MROH9: variants seen among roughly 807,000 people sequenced by gnomAD.
MROH9 encodes the protein maestro heat-like repeat-containing protein family member 9.
A neutral mutation model predicts 98.2 loss-of-function variants in MROH9; 92 were observed. The ratio of observed to expected loss-of-function variants is 0.94; its 90% CI spans 0.79 to 1.11. MROH9 has a LOEUF of 1.11. Ranked by LOEUF, MROH9 falls within the 50% of genes most tolerant of loss-of-function variation. The pLI, the probability that MROH9 is intolerant of heterozygous loss-of-function variation, is 0.00. For missense variants in MROH9, 1,057 were observed against 1,014.8 expected, an observed-to-expected ratio of 1.04 and a Z score of -0.57; for synonymous variants, 397 against 368.9, an observed-to-expected ratio of 1.08 and a Z score of -0.87.
chr1:170,972,829 TACACACACACACAC>T (rs3980699), intron 8 of MROH9, among the ~76,000 whole-genome samples: 2,485 of 128,670 alleles, frequency 0.019, 100 homozygotes, highest in African/African-American at 0.07. Flanking sequence ...AAAAAAAAAA[TACACACACACACAC>T]ACACACACAC....
At chr1:171,042,463 A>C (rs1045384432) in intron 20 of MROH9, among the ~76,000 whole-genome samples, 3 of 152,076 alleles carry the variant, frequency 2.0e-5, no homozygotes, top group African/African-American at 7.2e-5. Context: ...ATGCAGATAT[A>C]TCTTTGATAG....
chr1:171,020,097 C>G (rs938146123), intron 17 of MROH9, among the ~76,000 whole-genome samples: 12 of 152,124 alleles, frequency 7.9e-5, no homozygotes, highest in African/African-American at 2.9e-4. Context: ...AGACGAATAA[C>G]AAGTTCTGAA....
At position 170,989,942 on chromosome 1, in the gene MROH9, A is replaced by G. The variant is rs374949615; in HGVS notation, c.967A>G (p.Thr323Ala). The G allele has an allele frequency of 2.9e-5, 47 of 1,613,360 alleles. No homozygotes were observed. The highest frequency in any genetic ancestry group is 4.0e-5 in the Non-Finnish European group (47 of 1,179,554). Residue 323 changes from threonine (T) to alanine (A), a missense_variant, in exon 11 of 22, where the codon ACA becomes GCA. Transcript: ENST00000367759. ...DVMLQVITLL[T>A]CTSPKKVIFQ... ...TATGTTGCAGGTTATCACTTTGTTG[A>G]CATGCACTTCACCCAAGAAGGTCAT...
rs569361214 is a variant in MROH9, at chr1:171,040,205, G to T, written c.2281+14785G>T. ...TATAATGGTGGTTACCAGGAGCAAGGGCACAAGAAATGGGAAGATGTAAAT... is the reference window on the plus strand; with the variant it reads ...TATAATGGTGGTTACCAGGAGCAAGTGCACAAGAAATGGGAAGATGTAAAT... On this transcript the variant is annotated intron_variant, in intron 20 of 21. Coordinates refer to ENST00000367759, the MANE Select transcript of MROH9 (RefSeq NM_001163629.2). Among the ~76,000 whole-genome samples, 20 of 152,164 alleles carry T rather than the reference G, an allele frequency of 1.3e-4. No homozygotes were observed. In the South Asian group the frequency reaches 4.1e-3, roughly 32 times the overall value.
Position 170,971,277 on chromosome 1 carries a change from A to G in MROH9, c.481-471A>G, listed in dbSNP as rs536114272. On this transcript the variant is annotated intron_variant, in intron 7 of 21. Coordinates refer to ENST00000367759, the MANE Select transcript of MROH9 (RefSeq NM_001163629.2). ...AAAATGAATTCCCTTGAGAGGAGTC[A>G]GAATAACTTCCAGAGGAAAAGTGGC... is the stretch of plus-strand genomic sequence containing the variant. 2.6e-5 allele frequency among the ~76,000 whole-genome samples: 4 copies of G among 152,352 alleles called. No individual in the cohort carries two copies. In the South Asian group the frequency reaches 8.3e-4, roughly 32 times the overall value.
intron 15 of MROH9, among the ~76,000 whole-genome samples, chr1:171,005,148 T>C (rs894881354): frequency 6.6e-6 from 1 of 152,188 alleles, no homozygotes; most frequent in Non-Finnish European, 1.5e-5. Flanking sequence ...TACTGCAACC[T>C]GTGTCCTCCA....
intron 20 of MROH9, among the ~76,000 whole-genome samples, chr1:171,028,481 T>C (rs1210097208): frequency 3.9e-5 from 6 of 152,226 alleles, no homozygotes; most frequent in Non-Finnish European, 4.4e-5. Context: ...GCTTTGTTCT[T>C]TCTGCTTAGG....
At chr1:170,939,674 T>C (rs953958521) in intron 1 of MROH9, among the ~76,000 whole-genome samples, 1 of 152,214 alleles carries the variant, frequency 6.6e-6, no homozygotes, top group African/African-American at 2.4e-5. Flanking sequence ...CATTTGATGA[T>C]GGAGTACTGC....
In MROH9 at chr1:171,046,638, T is replaced by A. The variant is rs115769379; in HGVS notation, c.2282-15494T>A. Among the ~76,000 whole-genome samples, 1,307 of 152,278 alleles carry A rather than the reference T, an allele frequency of 8.6e-3. 21 individuals are homozygous for A. Among genetic ancestry groups the A allele is most frequent in the African/African-American group, 0.03 (1,234 of 41,564 alleles). On this transcript the variant is annotated intron_variant, in intron 20 of 21. Coordinates refer to ENST00000367759, the MANE Select transcript of MROH9 (RefSeq NM_001163629.2). ...TGTACTATGTCTTGAAAAGTTGTAG[T>A]TATTATTATTGATTGGTTCATCATT...
At chr1:171,049,935 G>T (rs1458358066) in intron 20 of MROH9, among the ~76,000 whole-genome samples, 1 of 152,108 alleles carries the variant, frequency 6.6e-6, no homozygotes, top group Non-Finnish European at 1.5e-5. Context: ...GCCTGCCTTG[G>T]CCTCCCAATG....
chr1:170,992,341 G>T lies in MROH9; in HGVS notation c.1194+12G>T, dbSNP rs374959088. 3 of 1,609,434 alleles carry T rather than the reference G, an allele frequency of 1.9e-6. No homozygotes were observed. Among genetic ancestry groups the T allele is most frequent in the Admixed American group, 1.7e-5 (1 of 59,460 alleles). On this transcript the variant is annotated intron_variant, in intron 12 of 21. Transcript: ENST00000367759. ...TGATGCCTTTGGCGGTAAATAACAC[G>T]ATGAGTGTTTCTTCTTCTCAGTACT...
intron 15 of MROH9, among the ~76,000 whole-genome samples, chr1:171,003,658 A>G (rs765617655): frequency 6.6e-6 from 1 of 152,138 alleles, no homozygotes; most frequent in African/African-American, 2.4e-5. Flanking sequence ...GGAGGGTGCA[A>G]TGGACTCTGT....
At chr1:171,001,674 T>C (rs1259903763) in intron 15 of MROH9, among the ~76,000 whole-genome samples, 2 of 152,150 alleles carry the variant, frequency 1.3e-5, no homozygotes, top group Non-Finnish European at 2.9e-5. Flanking sequence ...ATATATTCTA[T>C]CTTGGAAAAA....
chr1:170,988,062 T>A lies in MROH9; in HGVS notation c.879+1352T>A, dbSNP rs1235012540. 1.3e-5 allele frequency among the ~76,000 whole-genome samples: 2 copies of A among 152,204 alleles called. 1 individual carries two copies. Among genetic ancestry groups the A allele is most frequent in the Non-Finnish European group, 2.9e-5 (2 of 68,036 alleles). On this transcript the variant is annotated intron_variant, in intron 10 of 21. Transcript: ENST00000367759. ...ATACTGTATGTCCTCTGCTCCACTG[T>A]CCCATGGGACTTGATTTACAAAATA...
chr1:170,981,855 A>G (rs60370677), intron 8 of MROH9, among the ~76,000 whole-genome samples: 49,011 of 151,998 alleles, frequency 0.32, 8,008 homozygotes, highest in Middle Eastern at 0.46. Flanking sequence ...TGTTCTATAT[A>G]TACTTATTAA....
intron 15 of MROH9, among the ~76,000 whole-genome samples, chr1:171,011,196 C>T (rs752480573): frequency 5.3e-5 from 8 of 152,014 alleles, no homozygotes; most frequent in Non-Finnish European, 1.2e-4. Context: ...AGAAAGAATG[C>T]TAGAAGTGGC....
chr1:171,061,988 A>T (rs1378479963), intron 20 of MROH9, 144 bp from the exon 21 acceptor site: 3 of 610,790 alleles, frequency 4.9e-6, no homozygotes, highest in Non-Finnish European at 8.7e-6. Flanking sequence ...TTATGAGACA[A>T]TAATTAAAAG....
At chr1:171,046,783 T>C (rs566702949) in intron 20 of MROH9, among the ~76,000 whole-genome samples, 1 of 152,354 alleles carries the variant, frequency 6.6e-6, no homozygotes, top group South Asian at 2.1e-4. Flanking sequence ...GTGACTATTT[T>C]ATTGCTCATT....
rs200507519 is a variant in MROH9 at position 170,989,996 on chromosome 1, G to A, written c.1021G>A (p.Ala341Thr). 117 of 1,610,318 alleles carry A rather than the reference G, an allele frequency of 7.3e-5. No homozygotes were observed. The highest frequency in any genetic ancestry group is 9.4e-5 in the Non-Finnish European group (111 of 1,177,592). ...TCAACTTATGGACTACCCAGTTCCAGCAGACGAGTAAGGCCCCCCAACCCT... is the reference window on the plus strand; with the variant it reads ...TCAACTTATGGACTACCCAGTTCCAACAGACGAGTAAGGCCCCCCAACCCT... ...IFQLMDYPVP[A>T]DDTLIQMWKA... The change falls in exon 11 of 22, where the codon GCA (alanine) becomes ACA (threonine). Residue 341 changes from alanine (A) to threonine (T), a missense_variant. Ala to Thr is a moderately conservative substitution (Grantham distance 58). Transcript: ENST00000367759.
Sources: gnomAD v4.1 joint callset for allele counts (sites outside exome capture counted in the v4.1 genomes callset) on GRCh38, gnomAD v4.1.1 for gene constraint, MANE v1.5 for transcripts, NCBI Gene and HGNC (gene_info 2026-07-23, HGNC 2026-07-21) for gene names.